ERBB4: variants seen among roughly 807,000 people sequenced by gnomAD.
ERBB4 encodes the protein receptor tyrosine-protein kinase erbB-4.
ERBB4 carries 42 observed loss-of-function variants against 158.0 expected under a neutral mutation model. The observed-to-expected ratio is 0.27, with a 90% CI of 0.21 to 0.34. The LOEUF (loss-of-function observed/expected upper bound fraction) is 0.34. Ranked by LOEUF, ERBB4 falls within the 10% of genes least tolerant of loss-of-function variation. ERBB4 has a pLI of 1.00. For synonymous variants in ERBB4, 583 were observed against 558.7 expected (o/e 1.04, Z -0.61); for missense variants, 1,333 against 1,624.1 (o/e 0.82, Z 3.08).
chr2:211,920,259 G>C (rs2079822064), intron 3 of ERBB4, among the ~76,000 whole-genome samples: 1 of 151,920 alleles, frequency 6.6e-6, no homozygotes, highest in Admixed American at 6.6e-5. Context: ...TAATGGATTT[G>C]TTACTAAATT....
intron 20 of ERBB4, among the ~76,000 whole-genome samples, chr2:211,534,718 A>C (rs1208978288): frequency 2.0e-5 from 3 of 152,082 alleles, no homozygotes; most frequent in African/African-American, 7.2e-5. Flanking sequence ...AAAAGGACAA[A>C]GGAGTAGGAG....
chr2:212,513,691 G>T (rs1229404090), intron 1 of ERBB4, among the ~76,000 whole-genome samples: 3 of 152,048 alleles, frequency 2.0e-5, no homozygotes, highest in African/African-American at 7.2e-5. Flanking sequence ...AGCGCCTGTA[G>T]TCCCAGCTAC....
chr2:211,809,585 T>C (rs1301479189), intron 3 of ERBB4, among the ~76,000 whole-genome samples: 1 of 152,164 alleles, frequency 6.6e-6, no homozygotes, highest in Non-Finnish European at 1.5e-5. Flanking sequence ...TCTCTTTTCT[T>C]CTTTATTAGT....
At chr2:211,704,386 A>G (rs1392191955) in intron 10 of ERBB4, among the ~76,000 whole-genome samples, 192 bp from the exon 11 acceptor site, 2 of 152,200 alleles carry the variant, frequency 1.3e-5, no homozygotes, top group South Asian at 2.1e-4. Flanking sequence ...ATAAAACTGT[A>G]TATGTTGAAA....
At chr2:212,092,676 C>T (rs934033333) in intron 2 of ERBB4, among the ~76,000 whole-genome samples, 9 of 152,068 alleles carry the variant, frequency 5.9e-5, no homozygotes, top group African/African-American at 1.9e-4. Flanking sequence ...TGGTTGAATA[C>T]GTTGTATATG....
At chr2:212,031,403 C>G (rs928208385) in intron 2 of ERBB4, among the ~76,000 whole-genome samples, 3 of 152,054 alleles carry the variant, frequency 2.0e-5, no homozygotes, top group Non-Finnish European at 4.4e-5. Flanking sequence ...AGAAAAGTGC[C>G]TGGCACATGT....
intron 1 of ERBB4, among the ~76,000 whole-genome samples, chr2:212,266,208 G>A (rs1230220186): frequency 6.6e-6 from 1 of 151,374 alleles, no homozygotes; most frequent in Non-Finnish European, 1.5e-5. Context: ...CTAATACGAG[G>A]AGGAGGGATA....
chr2:212,448,225 T>C (rs145480020), intron 1 of ERBB4, among the ~76,000 whole-genome samples: 48 of 152,298 alleles, frequency 3.2e-4, no homozygotes, highest in Non-Finnish European at 5.9e-4. Context: ...ATGTGTCAAA[T>C]CTAAATCTTT....
chr2:211,818,852 G>A (rs1030149615), intron 3 of ERBB4, among the ~76,000 whole-genome samples: 9 of 152,034 alleles, frequency 5.9e-5, no homozygotes, highest in Non-Finnish European at 1.2e-4. Flanking sequence ...ACTAAGAAGA[G>A]AACAAAGAAG....
chr2:212,171,641 T>C (rs2081523356), intron 1 of ERBB4, among the ~76,000 whole-genome samples: 1 of 152,096 alleles, frequency 6.6e-6, no homozygotes, highest in Non-Finnish European at 1.5e-5. Flanking sequence ...GCTGTTCTTA[T>C]AATAGTGAGC....
intron 2 of ERBB4, among the ~76,000 whole-genome samples, chr2:211,966,191 G>A (rs1296907469): frequency 6.6e-6 from 1 of 152,008 alleles, no homozygotes; most frequent in African/African-American, 2.4e-5. Flanking sequence ...TCCAGCTTGG[G>A]CAACAGAGTG....
In ERBB4 at chr2:211,556,286, A is replaced by G. The variant is rs550472107; in HGVS notation, c.2487+5617T>C. ...AACACAGGAGCACTTAGATTCATAA[A>G]GCAAGTGCTTAGAGACATTCAAAGA... On this transcript the variant is annotated intron_variant, in intron 20 of 27. Coordinates refer to ENST00000342788, the MANE Select transcript of ERBB4 (RefSeq NM_005235.3). Among the ~76,000 whole-genome samples, 386 of 152,358 alleles carry G rather than the reference A, an allele frequency of 2.5e-3. 3 individuals are homozygous for G. The highest frequency in any genetic ancestry group is 8.8e-3 in the African/African-American group (366 of 41,584).
chr2:211,772,955 A>ATATATATTTTT (rs1553630145), intron 4 of ERBB4, among the ~76,000 whole-genome samples: 1,783 of 83,222 alleles, frequency 0.021, 138 homozygotes, highest in East Asian at 0.08. Context: ...ATATATATAT[A>ATATATATTTTT]TTTTTTTTTT....
rs1027113648 is a variant in ERBB4 at position 212,373,858 on chromosome 2, T to C, written c.82+164591A>G. Among the ~76,000 whole-genome samples the C allele has an allele frequency of 2.0e-4, 27 of 135,688 alleles. 4 individuals are homozygous for C. The highest frequency in any genetic ancestry group is 3.2e-4 in the Non-Finnish European group (20 of 62,660). The allele number at this position is 135,688 out of a possible 152,430, so 89.0% of individuals were successfully genotyped here. A position where few individuals can be genotyped will look rare whatever the true frequency, so the allele number is the denominator to read the frequency against. ...ATATATCCATGTATATATCCATGTA[T>C]ATATCCATATATATATATCCATGTA... On this transcript the variant is annotated intron_variant, in intron 1 of 27. Transcript: ENST00000342788.
At chr2:212,026,397 T>C (rs2076772885) in intron 2 of ERBB4, among the ~76,000 whole-genome samples, 2 of 151,716 alleles carry the variant, frequency 1.3e-5, no homozygotes, top group Admixed American at 1.3e-4. Flanking sequence ...AATATAATAT[T>C]TTATACTGTA....
chr2:211,706,614 A>C (rs1265069727), intron 9 of ERBB4, among the ~76,000 whole-genome samples: 1 of 151,622 alleles, frequency 6.6e-6, no homozygotes, highest in Non-Finnish European at 1.5e-5. Context: ...AAAAAAAAAA[A>C]ACAAAAAAAA....
Position 211,424,165 on chromosome 2 carries a change from G to A in ERBB4, c.2856C>T (p.Val952=), listed in dbSNP as rs114556844. Residue 952 remains valine (V), a synonymous_variant, in exon 23 of 28, where the codon GTC becomes GTT. Transcript: ENST00000342788. ...ATTTTGCAGTCTTACATTTGACCAT[G>A]ACCATGTAAACGTCAATAGTGCAGA... ...PPICTIDVYM[V]MVKCWMIDAD... 573 of 1,613,126 alleles carry A rather than the reference G, an allele frequency of 3.6e-4. 1 individual carries two copies. Among genetic ancestry groups the A allele is most frequent in the Non-Finnish European group, 4.8e-4 (571 of 1,179,282 alleles).
rs571237962 is a variant in ERBB4, at chr2:211,967,071, A to C, written c.235-19455T>G. 1.7e-3 allele frequency among the ~76,000 whole-genome samples: 255 copies of C among 152,260 alleles called. 1 individual carries two copies. Among genetic ancestry groups the C allele is most frequent in the African/African-American group, 5.7e-3 (235 of 41,572 alleles). The stretch of plus-strand genomic sequence containing the variant: ...CCATTTATAATCCTGAACCTCTTAC[A>C]CTTAGCGTACTTAAATGACAAATGC... On this transcript the variant is annotated intron_variant, in intron 2 of 27. Coordinates refer to ENST00000342788, the MANE Select transcript of ERBB4 (RefSeq NM_005235.3).
At chr2:212,369,803 CT>C (rs776438658) in intron 1 of ERBB4, among the ~76,000 whole-genome samples, 1 of 151,704 alleles carries the variant, frequency 6.6e-6, no homozygotes, top group Non-Finnish European at 1.5e-5. Flanking sequence ...AGAAATCCTC[CT>C]GCCTCAGCCT....
Sources: allele counts gnomAD v4.1 joint callset (sites outside exome capture counted in the v4.1 genomes callset), GRCh38; gene constraint gnomAD v4.1.1; transcripts MANE v1.5; gene names NCBI Gene and HGNC (gene_info 2026-07-23, HGNC 2026-07-21).